The following XRN2 variants were observed in gnomAD, a reference collection of about 807,000 sequenced individuals.
XRN2 encodes the protein 5'-3' exoribonuclease 2.
A neutral mutation model predicts 138.5 loss-of-function variants in XRN2; 44 were observed. The observed-to-expected ratio is 0.32, with a 90% confidence interval of 0.25 to 0.41. The LOEUF (loss-of-function observed/expected upper bound fraction) is 0.41, where lower values mean the gene tolerates loss of function less well. XRN2 is among the 10% of genes least tolerant of loss of function. The pLI is 1.00. For missense variants in XRN2, 937 were observed against 1,169.3 expected (o/e 0.80, Z 2.90); for synonymous variants, 354 against 369.4 (o/e 0.96, Z 0.48).
intron 20 of XRN2, among the ~76,000 whole-genome samples, chr20:21,349,797 A>T (rs936522224): frequency 6.6e-6 from 1 of 152,226 alleles, no homozygotes; most frequent in African/African-American, 2.4e-5. Flanking sequence ...TTTGAGAATT[A>T]TATGTGAAAT....
At chr20:21,366,866 C>T (rs2038710742) in intron 26 of XRN2, among the ~76,000 whole-genome samples, 1 of 152,152 alleles carries the variant, frequency 6.6e-6, no homozygotes, top group Admixed American at 6.5e-5. Context: ...TTATGTATTG[C>T]TATATGTGTT....
At chr20:21,359,182 C>G (rs1327151) in intron 24 of XRN2, among the ~76,000 whole-genome samples, 3 of 152,168 alleles carry the variant, frequency 2.0e-5, no homozygotes, top group Admixed American at 2.0e-4. Flanking sequence ...TTGGTTGTTT[C>G]TGAGCCTAAA....
intron 1 of XRN2, among the ~76,000 whole-genome samples, chr20:21,305,079 T>C (rs1205290950): frequency 1.4e-4 from 21 of 152,246 alleles, no homozygotes; most frequent in Admixed American, 1.4e-3. Context: ...CCAGGTAGTC[T>C]ATCAAGAGTC....
At chr20:21,315,148 C>A (rs909255628) in intron 1 of XRN2, among the ~76,000 whole-genome samples, 1 of 152,190 alleles carries the variant, frequency 6.6e-6, no homozygotes, top group African/African-American at 2.4e-5. Context: ...CGCCCTCACT[C>A]AAGATGTTAA....
At chr20:21,336,791 G>A (rs932507501) in intron 13 of XRN2, among the ~76,000 whole-genome samples, 6 of 152,210 alleles carry the variant, frequency 3.9e-5, no homozygotes, top group African/African-American at 1.4e-4. Context: ...CATCTGGGAA[G>A]GGAGAGGTTG....
chr20:21,360,558 A>G (rs1226269952), intron 24 of XRN2, among the ~76,000 whole-genome samples: 1 of 151,882 alleles, frequency 6.6e-6, no homozygotes, highest in Non-Finnish European at 1.5e-5. Flanking sequence ...AAAGTCTTTG[A>G]AGAGCGTAAA....
At chr20:21,350,951 G>T (rs2038502811) in intron 20 of XRN2, among the ~76,000 whole-genome samples, 1 of 152,132 alleles carries the variant, frequency 6.6e-6, no homozygotes, top group Non-Finnish European at 1.5e-5. Flanking sequence ...GTTTTTCAAG[G>T]TGCTTTGTGG....
At chr20:21,358,313 C>G (rs2122285500) in intron 24 of XRN2, among the ~76,000 whole-genome samples, 1 of 152,254 alleles carries the variant, frequency 6.6e-6, no homozygotes, top group Non-Finnish European at 1.5e-5. Context: ...CTCTGGAAAA[C>G]TAATTTATAT....
At chr20:21,378,891 A>C (rs558703608) in intron 27 of XRN2, among the ~76,000 whole-genome samples, 10 of 152,306 alleles carry the variant, frequency 6.6e-5, no homozygotes, top group African/African-American at 2.4e-4. Flanking sequence ...TTGGCTGATG[A>C]GTAATTGTCT....
intron 15 of XRN2, among the ~76,000 whole-genome samples, chr20:21,343,274 T>C (rs2038394788): frequency 6.6e-6 from 1 of 152,106 alleles, no homozygotes; most frequent in Non-Finnish European, 1.5e-5. Context: ...AACATTTTCT[T>C]TTAATTTTTA....
intron 26 of XRN2, among the ~76,000 whole-genome samples, chr20:21,367,612 T>C (rs2038718227): frequency 6.6e-6 from 1 of 152,066 alleles, no homozygotes; most frequent in African/African-American, 2.4e-5. Flanking sequence ...ACAGTAATTA[T>C]ACCTACATAT....
intron 24 of XRN2, among the ~76,000 whole-genome samples, chr20:21,358,887 ACAGATT>A (rs1448062781): frequency 2.0e-5 from 3 of 152,218 alleles, no homozygotes; most frequent in African/African-American, 7.2e-5. Flanking sequence ...TCTGGCTCTG[ACAGATT>A]CAGTGTGAAC....
chr20:21,365,426 A>G lies in XRN2; in HGVS notation c.2261A>G (p.Asn754Ser). 6.2e-7 allele frequency: 1 copy of G among 1,613,084 alleles called. No individual in the cohort carries two copies. The highest frequency in any genetic ancestry group is 8.5e-7 in the Non-Finnish European group (1 of 1,179,828). The change falls in exon 25 of 30, where the codon AAT becomes AGT. Residue 754 changes from asparagine (N) to serine (S), a missense_variant. Physicochemically the swap from Asn to Ser is conservative, Grantham distance 46. This residue lies in a region of XRN2 where 372 missense variants were observed against 414.4 expected (regional missense o/e 0.90). Transcript: ENST00000377191. ...TGTTTCTTGTTCTTTTCCAGTATTA[A>G]TTTTAAAGACCCACAGTTTGCTGAA... is the stretch of plus-strand genomic sequence containing the variant. ...DLTQNTVVSINFKDPQFAEDY... is the reference protein window; with the variant it reads ...DLTQNTVVSISFKDPQFAEDY...
At chr20:21,343,145 G>A (rs1390111323) in intron 15 of XRN2, among the ~76,000 whole-genome samples, 1 of 152,030 alleles carries the variant, frequency 6.6e-6, no homozygotes, top group African/African-American at 2.4e-5. Flanking sequence ...AAAAAATTCA[G>A]TTTACTTGAA....
intron 1 of XRN2, among the ~76,000 whole-genome samples, chr20:21,312,486 A>G (rs1161536892): frequency 6.6e-6 from 1 of 151,854 alleles, no homozygotes. Context: ...CACTTCATAT[A>G]CTTTAACTGC....
At chr20:21,318,094 G>T (rs6047375) in intron 1 of XRN2, among the ~76,000 whole-genome samples, 103,121 of 151,458 alleles carry the variant, frequency 0.68, 35,732 homozygotes, top group South Asian at 0.84. Context: ...TGATTTAATT[G>T]CTTTAACTTG....
At chr20:21,354,639 T>G (rs553231066) in intron 20 of XRN2, 150 bp from the exon 21 acceptor site, 3 of 593,340 alleles carry the variant, frequency 5.1e-6, no homozygotes, top group Non-Finnish European at 8.9e-6. Flanking sequence ...GCATCTGAGT[T>G]TTGGCTTAAT....
intron 28 of XRN2, among the ~76,000 whole-genome samples, chr20:21,385,051 A>G (rs2038923784): frequency 6.6e-6 from 1 of 152,194 alleles, no homozygotes; most frequent in South Asian, 2.1e-4. Context: ...TATATTTGTC[A>G]AAAACATTAT....
chr20:21,370,563 C>G (rs2038750052), intron 27 of XRN2, among the ~76,000 whole-genome samples: 1 of 152,154 alleles, frequency 6.6e-6, no homozygotes. Context: ...TTTCTTGATT[C>G]AAATTGTATC....
Sources: allele counts gnomAD v4.1 joint callset (sites outside exome capture counted in the v4.1 genomes callset), GRCh38; gene constraint gnomAD v4.1.1; regional missense constraint gnomAD v4.1.1; transcripts MANE v1.5; gene names NCBI Gene and HGNC (gene_info 2026-07-23, HGNC 2026-07-21).